CHRM3: variants seen among roughly 807,000 people sequenced by gnomAD.
CHRM3 encodes muscarinic acetylcholine receptor M3.
In CHRM3, 11 loss-of-function variants were observed where a neutral mutation model predicts 41.8. The ratio of observed to expected loss-of-function variants is 0.26; its 90% confidence interval spans 0.17 to 0.44. The LOEUF (loss-of-function observed/expected upper bound fraction) is 0.44, where lower values mean the gene tolerates loss of function less well. CHRM3 is among the 20% of genes least tolerant of loss of function. CHRM3 has a pLI of 1.00. For synonymous variants in CHRM3, 297 were observed against 301.4 expected (o/e 0.99, Z 0.15); for missense variants, 571 against 745.4 (o/e 0.77, Z 2.72).
At chr1:239,576,125 A>G (rs1662310305) in intron 3 of CHRM3, among the ~76,000 whole-genome samples, 1 of 152,072 alleles carries the variant, frequency 6.6e-6, no homozygotes, top group African/African-American at 2.4e-5. Context: ...AGCTTCATCC[A>G]TGTTGTGTCA....
At chr1:239,823,584 T>G (rs1271741899) in intron 5 of CHRM3, among the ~76,000 whole-genome samples, 1 of 152,102 alleles carries the variant, frequency 6.6e-6, no homozygotes, top group Non-Finnish European at 1.5e-5. Flanking sequence ...TATATTACTG[T>G]CGACTCTCTA....
intron 3 of CHRM3, among the ~76,000 whole-genome samples, chr1:239,587,376 T>G (rs1440090604): frequency 1.3e-5 from 2 of 152,200 alleles, no homozygotes; most frequent in Non-Finnish European, 2.9e-5. Flanking sequence ...TCTTTCCTTT[T>G]GATGAAAAAT....
chr1:239,399,806 T>C (rs1461232116), intron 1 of CHRM3, among the ~76,000 whole-genome samples: 1 of 152,074 alleles, frequency 6.6e-6, no homozygotes, highest in Non-Finnish European at 1.5e-5. Flanking sequence ...GGAGTGAATA[T>C]GGGAGTGCTG....
chr1:239,433,739 T>C (rs1246050642), intron 1 of CHRM3, among the ~76,000 whole-genome samples: 2 of 152,144 alleles, frequency 1.3e-5, no homozygotes, highest in Non-Finnish European at 2.9e-5. Context: ...GTTACTTCAC[T>C]TAGAATAGTA....
intron 5 of CHRM3, among the ~76,000 whole-genome samples, chr1:239,778,098 C>G (rs529542815): frequency 2.0e-5 from 3 of 152,070 alleles, no homozygotes; most frequent in Admixed American, 2.0e-4. Flanking sequence ...CCTGTACCCC[C>G]AAAACTATTG....
intron 4 of CHRM3, among the ~76,000 whole-genome samples, chr1:239,674,670 A>T (rs1179977039): frequency 6.8e-6 from 1 of 146,954 alleles, no homozygotes; most frequent in Non-Finnish European, 1.5e-5. Context: ...AGATTGCGCC[A>T]CTGCACTCCA....
At chr1:239,651,994 T>G (rs1183307470) in intron 4 of CHRM3, among the ~76,000 whole-genome samples, 2 of 151,928 alleles carry the variant, frequency 1.3e-5, no homozygotes, top group South Asian at 2.1e-4. Context: ...TGTTTTTTTT[T>G]TTTTTTTTGA....
At chr1:239,848,406 G>T (rs1674445614) in intron 6 of CHRM3, among the ~76,000 whole-genome samples, 2 of 152,058 alleles carry the variant, frequency 1.3e-5, no homozygotes, top group South Asian at 4.1e-4. Flanking sequence ...CAAACATCCA[G>T]TTAGGAAAAC....
At chr1:239,604,956 A>G (rs903765070) in intron 3 of CHRM3, among the ~76,000 whole-genome samples, 1 of 152,112 alleles carries the variant, frequency 6.6e-6, no homozygotes, top group Non-Finnish European at 1.5e-5. Flanking sequence ...TTTATTTATT[A>G]TTAGTTTTTG....
intron 3 of CHRM3, among the ~76,000 whole-genome samples, chr1:239,557,178 C>T (rs1660444656): frequency 6.6e-6 from 1 of 152,136 alleles, no homozygotes; most frequent in Admixed American, 6.5e-5. Flanking sequence ...GCTCCTGACA[C>T]CTCTACTTCT....
At position 239,559,870 on chromosome 1, in the gene CHRM3, G is replaced by A. The variant is rs75049746; in HGVS notation, c.-313+14121G>A. On this transcript the variant is annotated intron_variant, in intron 3 of 6. Transcript: ENST00000676153. ...TTCTTGCACAATTGATCATTTCCAA[G>A]GTGTTATCAAAATTAACCTTTAAGG... is the stretch of plus-strand genomic sequence containing the variant. Among the ~76,000 whole-genome samples the A allele has an allele frequency of 4.3e-4, 66 of 152,160 alleles. 2 individuals are homozygous for A. The East Asian group carries it at 0.012, about 28-fold the overall frequency.
At chr1:239,440,254 A>T (rs1383866939) in intron 1 of CHRM3, among the ~76,000 whole-genome samples, 2 of 151,800 alleles carry the variant, frequency 1.3e-5, no homozygotes, top group African/African-American at 4.8e-5. Flanking sequence ...CCTGAGCCTG[A>T]TAAATTTACA....
At chr1:239,602,343 T>G (rs868227920) in intron 3 of CHRM3, among the ~76,000 whole-genome samples, 58 of 152,088 alleles carry the variant, frequency 3.8e-4, no homozygotes, top group Middle Eastern at 3.4e-3. Context: ...GATTATGAAT[T>G]TTGGTAAGAC....
rs201531912 is a variant in CHRM3 at position 239,413,332 on chromosome 1, C to A, written c.-521+26105C>A. On this transcript the variant is annotated intron_variant, in intron 1 of 6. Transcript: ENST00000676153. ...TGAGACCGAGTCTCACTCTGTCGCCCAGGCTGGAGTGCAGTGGTGGGATCT... is the reference window on the plus strand; with the variant it reads ...TGAGACCGAGTCTCACTCTGTCGCCAAGGCTGGAGTGCAGTGGTGGGATCT... Among the ~76,000 whole-genome samples, 38 of 152,204 alleles carry A rather than the reference C, an allele frequency of 2.5e-4. No homozygotes were observed. In the East Asian group the frequency reaches 5.0e-3, roughly 20 times the overall value.
At chr1:239,700,931 T>C (rs1660625870) in intron 5 of CHRM3, among the ~76,000 whole-genome samples, 1 of 152,182 alleles carries the variant, frequency 6.6e-6, no homozygotes, top group Admixed American at 6.5e-5. Context: ...GGACCCGTAC[T>C]GTAGATATGA....
intron 3 of CHRM3, among the ~76,000 whole-genome samples, chr1:239,558,833 G>A (rs1660614240): frequency 6.6e-6 from 1 of 152,108 alleles, no homozygotes; most frequent in African/African-American, 2.4e-5. Flanking sequence ...TAAGTATTTA[G>A]CAAATAAAAC....
intron 2 of CHRM3, among the ~76,000 whole-genome samples, chr1:239,528,446 A>G (rs1458500280): frequency 1.3e-5 from 2 of 152,236 alleles, no homozygotes; most frequent in Non-Finnish European, 2.9e-5. Flanking sequence ...TGATGGTGAC[A>G]ATAAATAAGG....
chr1:239,766,993 T>G (rs949457011), intron 5 of CHRM3, among the ~76,000 whole-genome samples: 1 of 152,222 alleles, frequency 6.6e-6, no homozygotes, highest in Non-Finnish European at 1.5e-5. Context: ...ATTACAGGCA[T>G]GAACCACCAT....
At chr1:239,780,854 C>A (rs892117565) in intron 5 of CHRM3, among the ~76,000 whole-genome samples, 1 of 151,688 alleles carries the variant, frequency 6.6e-6, no homozygotes, top group Non-Finnish European at 1.5e-5. Context: ...GATGTCGAGT[C>A]GTTCCAGTTG....
Sources: allele counts gnomAD v4.1 joint callset (sites outside exome capture counted in the v4.1 genomes callset), GRCh38; gene constraint gnomAD v4.1.1; transcripts MANE v1.5; gene names NCBI Gene and HGNC (gene_info 2026-07-23, HGNC 2026-07-21).